The following RBFOX1 variants were observed in gnomAD, a reference collection of about 807,000 sequenced individuals.
RBFOX1 encodes RNA binding fox-1 homolog 1.
A neutral mutation model predicts 57.7 loss-of-function variants in RBFOX1; 8 were observed. That is an observed-to-expected ratio of 0.14 (90% CI 0.08 to 0.25). The LOEUF is 0.25. RBFOX1 is among the 10% of genes least tolerant of loss of function. The probability of loss-of-function intolerance (pLI) is 1.00; values close to 1 mark genes in which losing one functional copy is unlikely to be tolerated. For synonymous variants in RBFOX1, 326 were observed against 222.4 expected (o/e 1.47, Z -4.15); for missense variants, 611 against 548.5 (o/e 1.11, Z -1.14).
chr16:6,124,024 A>C (rs1264727870), intron 1 of RBFOX1, among the ~76,000 whole-genome samples: 1 of 152,220 alleles, frequency 6.6e-6, no homozygotes, highest in Non-Finnish European at 1.5e-5. Flanking sequence ...CATTCCCTTC[A>C]TGGGGGGCTC....
chr16:6,119,921 G>A (rs574619449), intron 1 of RBFOX1, among the ~76,000 whole-genome samples: 13 of 152,312 alleles, frequency 8.5e-5, no homozygotes, highest in Middle Eastern at 3.4e-3. Context: ...CCTGTATCCA[G>A]TAAGCAGTCA....
chr16:7,031,085 G>A (rs777949629), intron 3 of RBFOX1, among the ~76,000 whole-genome samples: 12 of 152,174 alleles, frequency 7.9e-5, no homozygotes, highest in South Asian at 2.1e-4. Flanking sequence ...GGTAGCCAGG[G>A]TTGTAAGTAA....
intron 15 of RBFOX1, chr16:7,710,316 G>T (rs1390977739): frequency 5.0e-6 from 6 of 1,202,464 alleles, no homozygotes; most frequent in African/African-American, 1.6e-5. Context: ...CTCAAGTGCA[G>T]ATTATTCTGT....
intron 2 of RBFOX1, among the ~76,000 whole-genome samples, chr16:6,326,156 A>G (rs753476858): frequency 1.3e-5 from 2 of 152,214 alleles, no homozygotes; most frequent in Non-Finnish European, 2.9e-5. Flanking sequence ...AGTTGCTATG[A>G]CATTGATATG....
chr16:5,292,823 C>A (rs935979727), intron 1 of RBFOX1, among the ~76,000 whole-genome samples: 2 of 151,958 alleles, frequency 1.3e-5, no homozygotes, highest in Non-Finnish European at 2.9e-5. Flanking sequence ...TGGGGTTTCA[C>A]CATGTTAGCC....
intron 3 of RBFOX1, among the ~76,000 whole-genome samples, chr16:6,882,601 A>G (rs954321342): frequency 6.6e-6 from 1 of 152,110 alleles, no homozygotes. Context: ...GAAAATAAAT[A>G]AATATAAATA....
At chr16:7,568,882 CAAAAAA>C (rs34858992) in intron 5 of RBFOX1, among the ~76,000 whole-genome samples, 3 of 77,558 alleles carry the variant, frequency 3.9e-5, no homozygotes, top group South Asian at 6.0e-4. Flanking sequence ...GACTCTGTCT[CAAAAAA>C]AAAAAAAAAA....
chr16:6,338,055 GT>G (rs1377561276), intron 2 of RBFOX1, among the ~76,000 whole-genome samples: 2 of 152,196 alleles, frequency 1.3e-5, no homozygotes, highest in Non-Finnish European at 2.9e-5. Context: ...TATCCAGATG[GT>G]TTTGTCCAGG....
chr16:7,592,183 C>G (rs1312490484), intron 7 of RBFOX1, among the ~76,000 whole-genome samples: 1 of 151,956 alleles, frequency 6.6e-6, no homozygotes, highest in Non-Finnish European at 1.5e-5. Context: ...TACCAAGTAG[C>G]TGACAAGCAA....
chr16:6,650,438 G>C (rs571968292), intron 2 of RBFOX1, among the ~76,000 whole-genome samples: 1 of 152,246 alleles, frequency 6.6e-6, no homozygotes, highest in East Asian at 1.9e-4. Context: ...ATCACTTCTG[G>C]TTACAGATTT....
chr16:5,756,352 C>T (rs74006254), intron 3 of RBFOX1, among the ~76,000 whole-genome samples: 5,049 of 151,828 alleles, frequency 0.033, 302 homozygotes, highest in African/African-American at 0.11. Flanking sequence ...AGGACTTAAC[C>T]TAGCAAAACT....
chr16:7,198,734 A>T (rs1379392522), intron 4 of RBFOX1, among the ~76,000 whole-genome samples: 1 of 152,202 alleles, frequency 6.6e-6, no homozygotes, highest in African/African-American at 2.4e-5. Context: ...TAATGACTTT[A>T]TTCGTGAAAG....
At chr16:7,266,424 G>T (rs1036028522) in intron 4 of RBFOX1, among the ~76,000 whole-genome samples, 2 of 152,186 alleles carry the variant, frequency 1.3e-5, no homozygotes, top group African/African-American at 4.8e-5. Flanking sequence ...CCCAGCAGAT[G>T]CCTGCGCCAT....
At chr16:5,997,340 G>A (rs763394080) in intron 4 of RBFOX1, among the ~76,000 whole-genome samples, 1 of 152,232 alleles carries the variant, frequency 6.6e-6, no homozygotes, top group Admixed American at 6.5e-5. Flanking sequence ...GTATTCTGTT[G>A]TCTAGGGCAA....
At chr16:6,227,272 T>G (rs2097425166) in intron 1 of RBFOX1, among the ~76,000 whole-genome samples, 1 of 152,182 alleles carries the variant, frequency 6.6e-6, no homozygotes, top group Non-Finnish European at 1.5e-5. Flanking sequence ...GAGCGTTTGA[T>G]TCAGTGATTC....
chr16:7,208,704 G>C (rs1364441912), intron 4 of RBFOX1, among the ~76,000 whole-genome samples: 1 of 152,120 alleles, frequency 6.6e-6, no homozygotes, highest in Admixed American at 6.5e-5. Flanking sequence ...GGGCATGATG[G>C]CATATACCTG....
chr16:5,249,503 ACT>A (rs1297270269), intron 1 of RBFOX1, among the ~76,000 whole-genome samples: 1 of 150,392 alleles, frequency 6.6e-6, no homozygotes, highest in African/African-American at 2.5e-5. Flanking sequence ...TTCTTTTCTG[ACT>A]CTGTTCTATG....
chr16:5,849,371 C>G (rs1266040114), intron 3 of RBFOX1, among the ~76,000 whole-genome samples: 2 of 152,050 alleles, frequency 1.3e-5, no homozygotes, highest in Admixed American at 1.3e-4. Flanking sequence ...CCATGAGGCC[C>G]TGCTTCCTCA....
At chr16:7,045,636 T>C (rs1326058757) in intron 3 of RBFOX1, among the ~76,000 whole-genome samples, 1 of 151,202 alleles carries the variant, frequency 6.6e-6, no homozygotes, top group Non-Finnish European at 1.5e-5. Flanking sequence ...GTTAAAAATA[T>C]TAATCTTGTT....
Sources: allele counts gnomAD v4.1 joint callset (sites outside exome capture counted in the v4.1 genomes callset), GRCh38; gene constraint gnomAD v4.1.1; transcripts MANE v1.5; gene names NCBI Gene and HGNC (gene_info 2026-07-23, HGNC 2026-07-21).